MYOM2: variants seen among roughly 807,000 people sequenced by gnomAD.
MYOM2 encodes the protein myomesin 2.
A neutral mutation model predicts 187.6 loss-of-function variants in MYOM2; 254 were observed. The observed-to-expected ratio is 1.35, with a 90% CI of 1.22 to 1.50. The LOEUF is 1.50. Among genes scored for constraint, MYOM2 ranks in the 40% most tolerant of loss-of-function variants. MYOM2 has a pLI of 0.00. For missense variants in MYOM2, 2,796 were observed against 1,924.0 expected (o/e 1.45, Z -8.48); for synonymous variants, 981 against 753.8 (o/e 1.30, Z -4.94).
intron 6 of MYOM2, among the ~76,000 whole-genome samples, chr8:2,062,846 G>A (rs1256514003): frequency 6.6e-6 from 1 of 152,188 alleles, no homozygotes; most frequent in East Asian, 1.9e-4. Context: ...AAAAAGAAAA[G>A]AATGATATAC....
Position 2,078,765 on chromosome 8 carries a change from T to G in MYOM2, c.1294T>G (p.Cys432Gly), listed in dbSNP as rs777395876. The G allele has an allele frequency of 6.2e-7, 1 of 1,614,206 alleles. No homozygotes were observed. Among genetic ancestry groups the G allele is most frequent in the Admixed American group, 1.7e-5 (1 of 60,028 alleles). ...AGTAGGAACGAATAATTGGGTGCAGTGCAATGATGCACCGGTGAAAATCTG... is the reference window on the plus strand; with the variant it reads ...AGTAGGAACGAATAATTGGGTGCAGGGCAATGATGCACCGGTGAAAATCTG... ...CEVGTNNWVQ[C>G]NDAPVKICKY... The change falls in exon 12 of 37, where the codon TGC becomes GGC. Residue 432 changes from cysteine to glycine, a missense_variant. Coordinates refer to ENST00000262113, the MANE Select transcript of MYOM2 (RefSeq NM_003970.4).
At chr8:2,059,673 C>T (rs1818786943) in intron 6 of MYOM2, among the ~76,000 whole-genome samples, 2 of 151,660 alleles carry the variant, frequency 1.3e-5, no homozygotes, top group Admixed American at 6.6e-5. Context: ...ATCATCTATA[C>T]ATCCAGCACC....
At chr8:2,086,444 T>TGTCATGATCTCTGGCACCCC (rs1297111608) in intron 14 of MYOM2, among the ~76,000 whole-genome samples, 1 of 88,242 alleles carries the variant, frequency 1.1e-5, no homozygotes, top group Non-Finnish European at 2.2e-5. Flanking sequence ...CGTGGCCCCC[T>TGTCATGATCTCTGGCACCCC]ACTGTCGTGA....
At chr8:2,119,391 A>G (rs1797350317) in intron 28 of MYOM2, 1 of 152,494 alleles carries the variant, frequency 6.6e-6, no homozygotes, top group Admixed American at 6.5e-5. Flanking sequence ...TCAGAGGGAA[A>G]GCAAGTGACT....
chr8:2,095,412 C>G (rs925618537), intron 17 of MYOM2, among the ~76,000 whole-genome samples: 2 of 151,936 alleles, frequency 1.3e-5, no homozygotes, highest in African/African-American at 4.8e-5. Context: ...ATGCCTCAGC[C>G]TCCTGATTAG....
intron 13 of MYOM2, among the ~76,000 whole-genome samples, chr8:2,081,176 G>A (rs1819613143): frequency 1.0e-5 from 1 of 97,078 alleles, no homozygotes; most frequent in African/African-American, 3.8e-5. Context: ...TTTGGTTCTG[G>A]CCTGCGGGAG....
chr8:2,137,341 C>T (rs1798115562), intron 32 of MYOM2, among the ~76,000 whole-genome samples: 1 of 151,894 alleles, frequency 6.6e-6, no homozygotes, highest in Admixed American at 6.6e-5. Context: ...GCATTTCGTG[C>T]AGGATGCAAG....
At chr8:2,058,217 C>T (rs1479919703) in intron 5 of MYOM2, among the ~76,000 whole-genome samples, 1 of 151,914 alleles carries the variant, frequency 6.6e-6, no homozygotes, top group Non-Finnish European at 1.5e-5. Context: ...TGGGGTTTCA[C>T]CATGTTGGCC....
At chr8:2,068,294 C>T (rs533611902) in intron 6 of MYOM2, among the ~76,000 whole-genome samples, 332 of 135,590 alleles carry the variant, frequency 2.4e-3, no homozygotes, top group African/African-American at 9.0e-3. Flanking sequence ...GCATCCTGGG[C>T]ACAGCTCTTC....
intron 13 of MYOM2, among the ~76,000 whole-genome samples, chr8:2,082,587 C>A (rs898906662): frequency 1.3e-5 from 2 of 152,154 alleles, no homozygotes; most frequent in African/African-American, 4.8e-5. Flanking sequence ...GCTATCCATG[C>A]GCTTGCCTTA....
At chr8:2,113,962 A>G (rs1305843662) in intron 25 of MYOM2, among the ~76,000 whole-genome samples, 1 of 152,226 alleles carries the variant, frequency 6.6e-6, no homozygotes, top group Non-Finnish European at 1.5e-5. Flanking sequence ...GGCGAGACAG[A>G]CAGACGGCAG....
At chr8:2,050,907 C>G (rs773495818) in intron 2 of MYOM2, 34 bp downstream of exon 2, 1 of 1,503,660 alleles carries the variant, frequency 6.7e-7, no homozygotes, top group Non-Finnish European at 9.2e-7. Flanking sequence ...ACGCGCAGAG[C>G]TTTGATTATG....
intron 25 of MYOM2, 97 bp downstream of exon 25, chr8:2,109,628 T>G: frequency 4.5e-6 from 6 of 1,334,068 alleles, no homozygotes; most frequent in Non-Finnish European, 6.1e-6. Flanking sequence ...TCTGTTTCCA[T>G]CCTTTTCTGA....
intron 25 of MYOM2, among the ~76,000 whole-genome samples, chr8:2,113,058 G>A (rs35838459): frequency 0.27 from 40,523 of 152,102 alleles, 5,476 homozygotes; most frequent in Non-Finnish European, 0.29. Flanking sequence ...AGATCGATCC[G>A]ACAGGTAGAT....
intron 31 of MYOM2, among the ~76,000 whole-genome samples, chr8:2,124,579 G>A (rs184269258): frequency 7.1e-4 from 108 of 152,242 alleles, no homozygotes; most frequent in Admixed American, 2.0e-3. Flanking sequence ...ACTTTGCGTC[G>A]TACACATTAA....
intron 34 of MYOM2, 68 bp from the exon 35 acceptor site, chr8:2,142,307 C>A: frequency 6.8e-7 from 1 of 1,463,928 alleles, no homozygotes. Context: ...CTCAGCTGTG[C>A]ATTTTGTTGG....
At chr8:2,046,650 A>T (rs915119193) in intron 1 of MYOM2, among the ~76,000 whole-genome samples, 4 of 152,108 alleles carry the variant, frequency 2.6e-5, no homozygotes, top group Non-Finnish European at 5.9e-5. Flanking sequence ...GCAGGTCCCC[A>T]CTGGAGTCTC....
At chr8:2,052,738 T>A (rs1169679783) in intron 3 of MYOM2, among the ~76,000 whole-genome samples, 1 of 152,212 alleles carries the variant, frequency 6.6e-6, no homozygotes, top group African/African-American at 2.4e-5. Context: ...ATTCTGAATT[T>A]CCACTTGCAA....
At chr8:2,074,580 C>T (rs991742686) in intron 10 of MYOM2, among the ~76,000 whole-genome samples, 14 of 152,024 alleles carry the variant, frequency 9.2e-5, no homozygotes, top group East Asian at 1.9e-4. Context: ...TCAGCCTCCC[C>T]GGTAGCTGGG....
Sources: allele counts gnomAD v4.1 joint callset (sites outside exome capture counted in the v4.1 genomes callset), GRCh38; gene constraint gnomAD v4.1.1; transcripts MANE v1.5; gene names NCBI Gene and HGNC (gene_info 2026-07-23, HGNC 2026-07-21).